The following ABI1 variants were observed in gnomAD, a reference collection of about 807,000 sequenced individuals.
ABI1 encodes abl interactor 1.
In ABI1, 14 loss-of-function variants were observed where a neutral mutation model predicts 54.6. The ratio of observed to expected loss-of-function variants is 0.26; its 90% CI spans 0.17 to 0.40. The LOEUF (loss-of-function observed/expected upper bound fraction) is 0.40, where lower values mean the gene tolerates loss of function less well. ABI1 is among the 10% of genes least tolerant of loss of function. ABI1 has a pLI of 1.00. For missense variants in ABI1, 443 were observed against 598.3 expected, an observed-to-expected ratio of 0.74 and a Z score of 2.71; for synonymous variants, 194 against 209.3, an observed-to-expected ratio of 0.93 and a Z score of 0.63.
intron 6 of ABI1, among the ~76,000 whole-genome samples, chr10:26,767,448 GAA>G (rs1459995884): frequency 6.6e-6 from 1 of 152,132 alleles, no homozygotes; most frequent in East Asian, 1.9e-4. Flanking sequence ...AAGTGAGAGA[GAA>G]AACTGAAGAA....
intron 1 of ABI1, among the ~76,000 whole-genome samples, chr10:26,851,856 G>T (rs1276857100): frequency 2.0e-5 from 3 of 152,008 alleles, no homozygotes; most frequent in Non-Finnish European, 4.4e-5. Flanking sequence ...GAAAGGAAAG[G>T]GTCAGATTTC....
chr10:26,854,992 C>T (rs1248913025), intron 1 of ABI1, among the ~76,000 whole-genome samples: 3 of 151,138 alleles, frequency 2.0e-5, no homozygotes, highest in African/African-American at 2.4e-5. Context: ...AATCCAAAAC[C>T]CAAAACTTCT....
chr10:26,804,879 T>G (rs1234681959), intron 2 of ABI1, among the ~76,000 whole-genome samples: 2 of 152,144 alleles, frequency 1.3e-5, no homozygotes, highest in African/African-American at 4.8e-5. Context: ...GATACAGAGA[T>G]GAATAAAACA....
At chr10:26,818,236 A>C (rs1252342871) in intron 2 of ABI1, among the ~76,000 whole-genome samples, 1 of 147,966 alleles carries the variant, frequency 6.8e-6, no homozygotes, top group Non-Finnish European at 1.5e-5. Flanking sequence ...TATAATGTAT[A>C]TTTTCTGATC....
intron 1 of ABI1, among the ~76,000 whole-genome samples, chr10:26,848,208 AAAAAAAAAAAAAAAGAAG>A (rs1451739376): frequency 6.7e-6 from 1 of 149,946 alleles, no homozygotes; most frequent in Non-Finnish European, 1.5e-5. Flanking sequence ...CTCAAAAAAA[AAAAAAAAAAAAAAAGAAG>A]AAGAAGAAGA....
intron 2 of ABI1, among the ~76,000 whole-genome samples, chr10:26,817,033 T>G (rs1266112844): frequency 6.6e-6 from 1 of 150,384 alleles, no homozygotes; most frequent in Non-Finnish European, 1.5e-5. Flanking sequence ...GGAGTCTTAC[T>G]CTGTCGCCCA....
At chr10:26,825,494 C>G (rs951975279) in intron 1 of ABI1, among the ~76,000 whole-genome samples, 3 of 152,172 alleles carry the variant, frequency 2.0e-5, no homozygotes, top group African/African-American at 7.2e-5. Flanking sequence ...AACCCTGTCT[C>G]TACTAAAAAT....
intron 1 of ABI1, among the ~76,000 whole-genome samples, chr10:26,827,599 T>G (rs888158343): frequency 1.2e-4 from 18 of 149,688 alleles, no homozygotes; most frequent in African/African-American, 3.2e-4. Flanking sequence ...GTTTTTTGTT[T>G]TTTTTTTTTT....
Position 26,748,787 on chromosome 10 carries a change from T to C in ABI1, c.1271-42A>G, listed in dbSNP as rs767457879. The C allele has an allele frequency of 2.8e-6, 4 of 1,419,004 alleles. No individual in the cohort carries two copies. In the South Asian group the frequency reaches 3.8e-5, roughly 13 times the overall value. The allele number at this position is 1,419,004 out of a possible 1,614,324, so 87.9% of individuals were successfully genotyped here. On this transcript the variant is annotated intron_variant, in intron 10 of 10. Coordinates refer to ENST00000376140, the MANE Select transcript of ABI1 (RefSeq NM_001012750.3). The stretch of plus-strand genomic sequence containing the variant: ...TGAAATATCACATGAGTGCACTATA[T>C]CCAAAATTTACTTGAATTTTAAGAC...
At chr10:26,801,816 T>C (rs998587523) in intron 2 of ABI1, among the ~76,000 whole-genome samples, 1 of 152,196 alleles carries the variant, frequency 6.6e-6, no homozygotes, top group African/African-American at 2.4e-5. Context: ...CTGTTATTTG[T>C]TGGATAAATG....
At chr10:26,766,996 G>A (rs2132677053) in intron 6 of ABI1, among the ~76,000 whole-genome samples, 1 of 152,152 alleles carries the variant, frequency 6.6e-6, no homozygotes, top group East Asian at 1.9e-4. Flanking sequence ...TATGGCCCAC[G>A]AATCCTAAAA....
chr10:26,848,155 T>C (rs1479864170), intron 1 of ABI1, among the ~76,000 whole-genome samples: 1 of 141,906 alleles, frequency 7.0e-6, no homozygotes, highest in African/African-American at 2.6e-5. Context: ...ACAGTAATCG[T>C]GCCACTGCAC....
chr10:26,836,391 A>T (rs1355498432), intron 1 of ABI1, among the ~76,000 whole-genome samples: 3 of 152,022 alleles, frequency 2.0e-5, no homozygotes, highest in Non-Finnish European at 4.4e-5. Context: ...GGGATTACAG[A>T]CGTGAGCCAC....
At chr10:26,801,468 G>A (rs1024019575) in intron 2 of ABI1, among the ~76,000 whole-genome samples, 6 of 151,742 alleles carry the variant, frequency 4.0e-5, no homozygotes, top group African/African-American at 1.5e-4. Context: ...GATGACTTGA[G>A]CCCGGGACGC....
At chr10:26,856,634 T>C (rs1303388229) in intron 1 of ABI1, among the ~76,000 whole-genome samples, 6 of 152,132 alleles carry the variant, frequency 3.9e-5, no homozygotes, top group Non-Finnish European at 8.8e-5. Context: ...CACAGTAACA[T>C]ACTGGGATGA....
At chr10:26,827,697 AT>A (rs2048398167) in intron 1 of ABI1, among the ~76,000 whole-genome samples, 2 of 151,732 alleles carry the variant, frequency 1.3e-5, no homozygotes, top group Admixed American at 6.6e-5. Flanking sequence ...GGTTCAAGCA[AT>A]TCTCCTGCCT....
chr10:26,809,095 C>G (rs1175650829), intron 2 of ABI1, among the ~76,000 whole-genome samples: 1 of 151,958 alleles, frequency 6.6e-6, no homozygotes, highest in African/African-American at 2.4e-5. Flanking sequence ...CATGGTGAAA[C>G]CTCGTCTCTA....
chr10:26,746,912 T>TATTA lies in ABI1; in HGVS notation c.*1654_*1657dup, dbSNP rs1306725882. ...CAAAATTTCATATAGGAGAATGGTT[T>TATTA]ATTATAAAAGACTGTACATAAAATT... On this transcript the variant is annotated 3_prime_UTR_variant, in exon 11 of 11. Transcript: ENST00000376140. 3.5e-6 allele frequency: 1 copy of TATTA among 285,132 alleles called. No homozygotes were observed. Among genetic ancestry groups the TATTA allele is most frequent in the East Asian group, 5.7e-5 (1 of 17,672 alleles). The allele number at this position is 285,132 out of a possible 1,614,324, so 17.7% of individuals were successfully genotyped here. A position where few individuals can be genotyped will look rare whatever the true frequency, so the allele number is the denominator to read the frequency against.
At chr10:26,761,661 T>TATATATATATATATAC (rs1375832167) in intron 7 of ABI1, among the ~76,000 whole-genome samples, 9 of 78,928 alleles carry the variant, frequency 1.1e-4, no homozygotes, top group Non-Finnish European at 1.9e-4. Context: ...TATATATATA[T>TATATATATATATATAC]ACACACACAC....
Sources: allele counts gnomAD v4.1 joint callset (sites outside exome capture counted in the v4.1 genomes callset), GRCh38; gene constraint gnomAD v4.1.1; transcripts MANE v1.5; gene names NCBI Gene and HGNC (gene_info 2026-07-23, HGNC 2026-07-21).